Variants in BCAS1 observed in about 807,000 individuals in gnomAD.
BCAS1 encodes the protein brain enriched myelin associated protein 1.
BCAS1 carries 46 observed loss-of-function variants against 65.4 expected under a neutral mutation model. That is an observed-to-expected ratio of 0.70 (90% CI 0.55 to 0.90). The LOEUF (loss-of-function observed/expected upper bound fraction) is 0.90, where lower values mean the gene tolerates loss of function less well. Among genes scored for constraint, BCAS1 ranks in the 40% least tolerant of loss-of-function variants. The pLI is 0.00. For synonymous variants in BCAS1, 298 were observed against 293.5 expected (o/e 1.02, Z -0.16); for missense variants, 793 against 771.2 (o/e 1.03, Z -0.33).
chr20:54,011,261 G>A (rs918442352), intron 4 of BCAS1, among the ~76,000 whole-genome samples: 3 of 152,086 alleles, frequency 2.0e-5, no homozygotes, highest in Non-Finnish European at 4.4e-5. Flanking sequence ...ATTTTGCCCT[G>A]TAAAAGATCC....
chr20:54,034,752 T>C (rs1408444597), intron 3 of BCAS1, among the ~76,000 whole-genome samples: 1 of 151,338 alleles, frequency 6.6e-6, no homozygotes, highest in Non-Finnish European at 1.5e-5. Flanking sequence ...TAAACTACTG[T>C]TGAGATTCTT....
chr20:53,975,261 G>C (rs1183456904), intron 9 of BCAS1, 128 bp downstream of exon 9: 4 of 721,670 alleles, frequency 5.5e-6, no homozygotes, highest in Middle Eastern at 3.6e-4. Context: ...CGGGATAAGA[G>C]AGTCTACAAC....
chr20:54,000,581 A>G (rs986243957), intron 4 of BCAS1, among the ~76,000 whole-genome samples: 4 of 152,074 alleles, frequency 2.6e-5, no homozygotes, highest in Admixed American at 2.0e-4. Flanking sequence ...CTCTCCTTTC[A>G]TGGACTCCAA....
At chr20:54,052,595 A>C (rs2092235496) in intron 3 of BCAS1, among the ~76,000 whole-genome samples, 1 of 152,234 alleles carries the variant, frequency 6.6e-6, no homozygotes, top group South Asian at 2.1e-4. Context: ...AAATGGAATT[A>C]TAGACTTTAT....
At chr20:53,952,668 C>A (rs2089565048) in intron 12 of BCAS1, among the ~76,000 whole-genome samples, 1 of 152,208 alleles carries the variant, frequency 6.6e-6, no homozygotes, top group Non-Finnish European at 1.5e-5. Context: ...TCACAAATAG[C>A]TGAGCTTCAG....
In BCAS1 at chr20:53,966,006, G is replaced by A. The variant is rs529984422; in HGVS notation, c.1485+900C>T. Among the ~76,000 whole-genome samples the A allele has an allele frequency of 6.6e-5, 10 of 152,244 alleles. No individual in the cohort carries two copies. The East Asian group carries it at 7.7e-4, about 12-fold the overall frequency. ...ATGTTGGCGTGGAGGTGGTGAAAAC[G>A]GAACACTTTTACACTGTAGGTGGGA... On this transcript the variant is annotated intron_variant, in intron 10 of 12. Coordinates refer to ENST00000688948, the MANE Select transcript of BCAS1 (RefSeq NM_001366298.2).
rs144914464 is a variant in BCAS1, at chr20:53,953,506, G to A, written c.1741C>T (p.Leu581=). 27 of 1,613,920 alleles carry A rather than the reference G, an allele frequency of 1.7e-5. No individual in the cohort carries two copies. The highest frequency in any genetic ancestry group is 2.2e-5 in the East Asian group (1 of 44,864). ...TTTTGGAGCTTGTCCCCATTCTGCA[G>A]TGAGTTCGTGTCCACCGTGGCCTGC... is the stretch of plus-strand genomic sequence containing the variant. The part of the protein sequence containing the change: ...TEQATVDTNS[L]QNGDKLQKRP... Residue 581 remains leucine, a synonymous_variant, in exon 12 of 13, where the codon CTG becomes TTG. Coordinates refer to ENST00000688948, the MANE Select transcript of BCAS1 (RefSeq NM_001366298.2).
Position 54,058,095 on chromosome 20 carries a change from G to C in BCAS1, c.132C>G (p.His44Gln), listed in dbSNP as rs780221163. 4.3e-6 allele frequency: 7 copies of C among 1,613,158 alleles called. No individual in the cohort carries two copies. The South Asian group carries it at 7.7e-5, about 18-fold the overall frequency. The change falls in exon 3 of 13, where the codon CAC becomes CAG. Residue 44 changes from histidine (H) to glutamine (Q), a missense_variant. Transcript: ENST00000688948. ...CAGAGTAGCACTGACCTTCCTCTAA[G>C]TGCTGAACTGTGTGGGTCGACACCA... ...PVVVSTHTVQ[H>Q]LEEVDLGISV...
At chr20:53,973,967 A>G (rs1410304573) in intron 9 of BCAS1, among the ~76,000 whole-genome samples, 1 of 152,172 alleles carries the variant, frequency 6.6e-6, no homozygotes, top group Non-Finnish European at 1.5e-5. Flanking sequence ...AAATGCACCA[A>G]TCAGTGCTCT....
intron 7 of BCAS1, among the ~76,000 whole-genome samples, chr20:53,985,701 C>CA (rs1397542201): frequency 6.6e-6 from 1 of 151,778 alleles, no homozygotes; most frequent in Non-Finnish European, 1.5e-5. Context: ...ATTTTTCTTT[C>CA]AAAAAATAAA....
intron 4 of BCAS1, among the ~76,000 whole-genome samples, chr20:54,013,520 G>C (rs2091366924): frequency 6.6e-6 from 1 of 152,246 alleles, no homozygotes; most frequent in Non-Finnish European, 1.5e-5. Flanking sequence ...ATGGAGGGCA[G>C]AGTGGCATTG....
At position 54,056,754 on chromosome 20, in the gene BCAS1, G is replaced by T. The variant is rs139711689; in HGVS notation, c.142+1331C>A. Reference sequence around the variant, plus strand: ...AAATTCTAAAAGCTTTGGAACCAATGCTGTAATATACCTCCTTCATTACTC... The same window carrying T: ...AAATTCTAAAAGCTTTGGAACCAATTCTGTAATATACCTCCTTCATTACTC... On this transcript the variant is annotated intron_variant, in intron 3 of 12. Transcript: ENST00000688948. 1.7e-4 allele frequency among the ~76,000 whole-genome samples: 26 copies of T among 152,230 alleles called. No individual in the cohort carries two copies. In the East Asian group the frequency reaches 5.0e-3, roughly 29 times the overall value.
intron 1 of BCAS1, among the ~76,000 whole-genome samples, chr20:54,067,678 A>G (rs192205043): frequency 1.2e-3 from 182 of 152,312 alleles, no homozygotes; most frequent in Middle Eastern, 3.4e-3. Context: ...AAACAGGCCA[A>G]ACGCCAAACC....
chr20:53,951,593 C>T (rs994854633), intron 12 of BCAS1, among the ~76,000 whole-genome samples: 2 of 152,212 alleles, frequency 1.3e-5, no homozygotes, highest in African/African-American at 4.8e-5. Flanking sequence ...TAGCATCAAT[C>T]AGGAGCTTTG....
intron 3 of BCAS1, among the ~76,000 whole-genome samples, chr20:54,034,490 C>G (rs969178834): frequency 3.3e-5 from 5 of 151,182 alleles, no homozygotes; most frequent in African/African-American, 9.7e-5. Flanking sequence ...GCACCAACAA[C>G]AGTCAAGCCA....
intron 5 of BCAS1, among the ~76,000 whole-genome samples, chr20:53,995,537 G>A (rs2090884749): frequency 6.6e-6 from 1 of 150,466 alleles, no homozygotes; most frequent in Admixed American, 6.6e-5. Flanking sequence ...TGCCACTTGA[G>A]TGGCAAAACT....
chr20:54,030,831 C>T (rs367617031), intron 3 of BCAS1, among the ~76,000 whole-genome samples: 42 of 151,156 alleles, frequency 2.8e-4, no homozygotes, highest in African/African-American at 9.9e-4. Context: ...TCTTCTAGCT[C>T]TTCTTAACCT....
intron 4 of BCAS1, among the ~76,000 whole-genome samples, chr20:54,006,026 T>G (rs2091179755): frequency 6.6e-6 from 1 of 152,146 alleles, no homozygotes; most frequent in African/African-American, 2.4e-5. Context: ...ATGGAAGGTG[T>G]TTGGGCTCAG....
intron 1 of BCAS1, among the ~76,000 whole-genome samples, chr20:54,061,926 G>C (rs538239798): frequency 2.0e-5 from 3 of 151,752 alleles, no homozygotes; most frequent in African/African-American, 7.2e-5. Flanking sequence ...GTTTTAGTAG[G>C]CCAGTGAGCT....
Sources: gnomAD v4.1 joint callset for allele counts (sites outside exome capture counted in the v4.1 genomes callset) on GRCh38, gnomAD v4.1.1 for gene constraint, MANE v1.5 for transcripts, NCBI Gene and HGNC (gene_info 2026-07-23, HGNC 2026-07-21) for gene names.